Variants in DVL1 observed in about 807,000 individuals in gnomAD.
DVL1 encodes the protein dishevelled segment polarity protein 1, also known as segment polarity protein dishevelled homolog DVL-1.
In DVL1, 49 loss-of-function variants were observed where a neutral mutation model predicts 65.0. That is an observed-to-expected ratio of 0.75 (90% CI 0.60 to 0.96). The LOEUF is 0.96. DVL1 is among the 40% of genes least tolerant of loss of function. The pLI, the probability that DVL1 is intolerant of heterozygous loss-of-function variation, is 0.00. For synonymous variants in DVL1, 608 were observed against 433.9 expected (o/e 1.40, Z -4.99); for missense variants, 1,197 against 1,045.4 (o/e 1.15, Z -2.00).
In DVL1 at chr1:1,342,111, G is replaced by T; in HGVS notation, c.408C>A (p.Gly136=). The stretch of plus-strand genomic sequence containing the variant: ...GCCGGTGACTGACCATGGACTCCGT[G>T]CCTGTCTCGTTGTCCATCCCGTCAC... ...SSRDGMDNET[G]TESMVSHRRE... Residue 136 remains glycine (G), a synonymous_variant, in exon 4 of 15, where the codon GGC becomes GGA. Transcript: ENST00000378888. The T allele has an allele frequency of 6.3e-7, 1 of 1,594,330 alleles. No individual in the cohort carries two copies. The highest frequency in any genetic ancestry group is 8.5e-7 in the Non-Finnish European group (1 of 1,171,720).
At chr1:1,341,536 G>T in intron 5 of DVL1, 131 bp downstream of exon 5, 2 of 1,215,104 alleles carry the variant, frequency 1.6e-6, no homozygotes, top group South Asian at 3.3e-5. Flanking sequence ...ACAGACATTT[G>T]CAGGCACACA....
chr1:1,338,910 A>AC (rs1643684675), intron 11 of DVL1, among the ~76,000 whole-genome samples: 2 of 152,100 alleles, frequency 1.3e-5, no homozygotes, highest in South Asian at 4.1e-4. Context: ...CTGACACCCC[A>AC]CCCTGCAGAC....
In DVL1 at chr1:1,338,176, G is replaced by A. The variant is rs1318751143; in HGVS notation, c.1515C>T (p.Ala505=). 6.2e-7 allele frequency: 1 copy of A among 1,603,440 alleles called. No individual in the cohort carries two copies. The highest frequency in any genetic ancestry group is 1.7e-5 in the Admixed American group (1 of 59,434). ...YVFGDLCSNL[A]TLNLNSGSSG... ...TGGAGCCACTGTTGAGGTTCAGGGT[G>A]GCGAGATCTGGCGGGGGAGGGTAGG... Residue 505 remains alanine, a synonymous_variant, in exon 14 of 15, where the codon GCC becomes GCT. Coordinates refer to ENST00000378888, the MANE Select transcript of DVL1 (RefSeq NM_001330311.2).
rs758508750 is a variant in DVL1 at position 1,341,688 on chromosome 1, T to C, written c.584A>G (p.Asp195Gly). Residue 195 changes from aspartate to glycine, a missense_variant, in exon 5 of 15, where the codon GAC (aspartate) becomes GGC (glycine). By Grantham distance (94) the Asp-to-Gly change is moderately conservative (BLOSUM62 -1). Transcript: ENST00000378888. ...ELESSSFVDS[D>G]EDGSTSRLSS... ...ACACCTGCTCGTGCTGCCATCCTCGTCCGAGTCCACAAAGCTGCTGGACTC... is the reference window on the plus strand; with the variant it reads ...ACACCTGCTCGTGCTGCCATCCTCGCCCGAGTCCACAAAGCTGCTGGACTC... The C allele has an allele frequency of 3.6e-5, 58 of 1,609,024 alleles. No homozygotes were observed. In the Middle Eastern group the frequency reaches 6.6e-4, roughly 18 times the overall value.
chr1:1,345,557 C>T (rs961947806), intron 1 of DVL1, among the ~76,000 whole-genome samples: 1 of 152,110 alleles, frequency 6.6e-6, no homozygotes, highest in African/African-American at 2.4e-5. Context: ...GCGCCCCTGC[C>T]GGCACTGTGC....
In DVL1 at chr1:1,338,361, C is replaced by T; in HGVS notation, c.1415G>A (p.Ser472Asn). 1.2e-6 allele frequency: 2 copies of T among 1,612,692 alleles called. No homozygotes were observed. The highest frequency in any genetic ancestry group is 1.7e-6 in the Non-Finnish European group (2 of 1,179,880). Residue 472 changes from serine to asparagine, a missense_variant, in exon 13 of 15, where the codon AGC becomes AAC. Ser to Asn is a conservative substitution (Grantham distance 46). Coordinates refer to ENST00000378888, the MANE Select transcript of DVL1 (RefSeq NM_001330311.2). ...KERREARKYA[S>N]SLLKHGFLRH... ...CAGGAAGCCGTGCTTCAGCAAGCTG[C>T]TGGCGTACTTCCGGGCCTCCCGCCG...
At chr1:1,343,972 G>C (rs1643882950) in intron 1 of DVL1, among the ~76,000 whole-genome samples, 1 of 152,184 alleles carries the variant, frequency 6.6e-6, no homozygotes. Context: ...AGGCCGCAGA[G>C]GGTCAGGGGA....
In DVL1 at chr1:1,338,338, G is replaced by C; in HGVS notation, c.1438C>G (p.Leu480Val). The C allele has an allele frequency of 6.2e-7, 1 of 1,611,970 alleles. No individual in the cohort carries two copies. The highest frequency in any genetic ancestry group is 8.5e-7 in the Non-Finnish European group (1 of 1,179,620). ...GTGATCTTGTTGACCGTGTGCCGCA[G>C]GAAGCCGTGCTTCAGCAAGCTGCTG... is the stretch of plus-strand genomic sequence containing the variant. The part of the protein sequence containing the change: ...YASSLLKHGF[L>V]RHTVNKITFS... Residue 480 changes from leucine to valine, a missense_variant, in exon 13 of 15, where the codon CTG (leucine) becomes GTG (valine). Leu to Val is a conservative substitution (Grantham distance 32). Coordinates refer to ENST00000378888, the MANE Select transcript of DVL1 (RefSeq NM_001330311.2).
Position 1,349,229 on chromosome 1 carries a change from G to A in DVL1, c.-164C>T. ...CCGCCCGACCGCCCAGGCCCCGGCC[G>A]CCGCCCCCGGCTCCCGCGCGCGTCC... On this transcript the variant is annotated 5_prime_UTR_variant, in exon 1 of 15. Coordinates refer to ENST00000378888, the MANE Select transcript of DVL1 (RefSeq NM_001330311.2). The surrounding 1 kb of genome is among the most constrained non-coding windows in gnomAD (Gnocchi z 4.1). The A allele has an allele frequency of 4.3e-6, 1 of 232,070 alleles. No individual in the cohort carries two copies. Among genetic ancestry groups the A allele is most frequent in the Non-Finnish European group, 6.9e-6 (1 of 145,272 alleles). 14.4% of individuals were successfully genotyped at this position (232,070 alleles called of 1,614,324 possible). A position where few individuals can be genotyped will look rare whatever the true frequency, so the allele number is the denominator to read the frequency against.
intron 5 of DVL1, among the ~76,000 whole-genome samples, chr1:1,341,307 C>T (rs1049932320): frequency 2.6e-5 from 4 of 152,014 alleles, no homozygotes; most frequent in African/African-American, 9.7e-5. Flanking sequence ...CACATACATG[C>T]ACACACAGAC....
In DVL1 at chr1:1,335,480, C is replaced by G. The variant is rs1643539752; in HGVS notation, c.*662G>C. On this transcript the variant is annotated 3_prime_UTR_variant, in exon 15 of 15. Transcript: ENST00000378888. Reference sequence around the variant, plus strand: ...ACGGGCCACCTGACTGCCCATCTCCCCAAGACCTCCCTCCCTGTGGCAGCT... The same window carrying G: ...ACGGGCCACCTGACTGCCCATCTCCGCAAGACCTCCCTCCCTGTGGCAGCT... 6.5e-6 allele frequency: 1 copy of G among 154,326 alleles called. No homozygotes were observed. The highest frequency in any genetic ancestry group is 1.4e-5 in the Non-Finnish European group (1 of 69,410). 9.6% of individuals were successfully genotyped at this position (154,326 alleles called of 1,614,324 possible).
At position 1,338,517 on chromosome 1, in the gene DVL1, C is replaced by A; in HGVS notation, c.1339+5G>T. On this transcript the variant is annotated splice_donor_5th_base_variant and intron_variant, in intron 12 of 14. Coordinates refer to ENST00000378888, the MANE Select transcript of DVL1 (RefSeq NM_001330311.2). ...CACTATCCGCCCGCGGGGACGGCCA[C>A]TCACCGATGACGGCATTGGCGATGG... 1 of 1,612,280 alleles carries A rather than the reference C, an allele frequency of 6.2e-7. No individual in the cohort carries two copies. Among genetic ancestry groups the A allele is most frequent in the Non-Finnish European group, 8.5e-7 (1 of 1,179,618 alleles).
chr1:1,345,739 G>A (rs932831350), intron 1 of DVL1, among the ~76,000 whole-genome samples: 2 of 152,194 alleles, frequency 1.3e-5, no homozygotes, highest in Non-Finnish European at 1.5e-5. Flanking sequence ...TAGACGTGGC[G>A]TGGTCCCGAA....
intron 1 of DVL1, among the ~76,000 whole-genome samples, chr1:1,348,495 T>G (rs1295452019): frequency 2.0e-5 from 3 of 152,166 alleles, no homozygotes; most frequent in Non-Finnish European, 2.9e-5. Flanking sequence ...GGTGAACCTG[T>G]ACCCCCATGT....
In DVL1 at chr1:1,340,110, G is replaced by A. The variant is rs559917483; in HGVS notation, c.837C>T (p.Tyr279=). ...CCCCGCCCTTCATGATGGAGCCAAT[G>A]TAGATGCCGCCGTCTCCACGGTCGT... ...QSNDRGDGGI[Y]IGSIMKGGAV... The change falls in exon 8 of 15, where the codon TAC becomes TAT. Residue 279 remains tyrosine, a synonymous_variant. Transcript: ENST00000378888. The A allele has an allele frequency of 1.7e-5, 27 of 1,613,272 alleles. No individual in the cohort carries two copies. The highest frequency in any genetic ancestry group is 4.0e-5 in the African/African-American group (3 of 74,906).
intron 6 of DVL1, 37 bp downstream of exon 6, chr1:1,340,373 C>T: frequency 1.2e-6 from 2 of 1,613,172 alleles, no homozygotes; most frequent in Non-Finnish European, 1.7e-6. Context: ...ACTGACTTCG[C>T]CTCCCCAGCC....
chr1:1,345,082 G>A (rs1160180504), intron 1 of DVL1, among the ~76,000 whole-genome samples: 2 of 152,062 alleles, frequency 1.3e-5, no homozygotes, highest in Non-Finnish European at 2.9e-5. Context: ...CACCCGCCTG[G>A]CTCCACCGGA....
At chr1:1,345,245 C>T (rs1163564849) in intron 1 of DVL1, among the ~76,000 whole-genome samples, 2 of 152,288 alleles carry the variant, frequency 1.3e-5, no homozygotes, top group South Asian at 2.1e-4. Flanking sequence ...CTACTCACTC[C>T]GCCCTCTTCA....
chr1:1,343,863 G>A (rs762329674), intron 1 of DVL1, among the ~76,000 whole-genome samples: 5 of 152,238 alleles, frequency 3.3e-5, no homozygotes, highest in African/African-American at 4.8e-5. Context: ...CAGGGGATGC[G>A]GAGCCGGCAG....
Sources: gnomAD v4.1 joint callset for allele counts (sites outside exome capture counted in the v4.1 genomes callset) on GRCh38, gnomAD v4.1.1 for gene constraint, Gnocchi (gnomAD v3.1) non-coding constraint, MANE v1.5 for transcripts, NCBI Gene and HGNC (gene_info 2026-07-23, HGNC 2026-07-21) for gene names.